Variants in ELAVL3 observed in about 807,000 individuals in gnomAD.
ELAVL3 encodes ELAV like RNA binding protein 3, also known as ELAV-like protein 3.
In ELAVL3, 8 loss-of-function variants were observed where a neutral mutation model predicts 34.2. The ratio of observed to expected loss-of-function variants is 0.23; its 90% CI spans 0.14 to 0.42. The LOEUF is 0.42. ELAVL3 is among the 10% of genes least tolerant of loss of function. The pLI, the probability that ELAVL3 is intolerant of heterozygous loss-of-function variation, is 1.00. For synonymous variants in ELAVL3, 209 were observed against 222.1 expected (o/e 0.94, Z 0.53); for missense variants, 273 against 518.8 (o/e 0.53, Z 4.60).
chr19:11,456,986 G>T, intron 6 of ELAVL3, 124 bp downstream of exon 6: 1 of 850,402 alleles, frequency 1.2e-6, no homozygotes, highest in East Asian at 3.3e-5. Context: ...TCTCTCAATG[G>T]CCATGCTACT....
At chr19:11,475,137 T>C (rs1173804315) in intron 1 of ELAVL3, among the ~76,000 whole-genome samples, 1 of 152,194 alleles carries the variant, frequency 6.6e-6, no homozygotes, top group Non-Finnish European at 1.5e-5. Context: ...ATACTGCTAT[T>C]TTAATGAGCA....
intron 1 of ELAVL3, among the ~76,000 whole-genome samples, chr19:11,473,638 C>T (rs1282314473): frequency 6.6e-6 from 1 of 152,178 alleles, no homozygotes; most frequent in Non-Finnish European, 1.5e-5. Context: ...GAGAATTTTT[C>T]CTCCCCCACT....
chr19:11,466,456 A>AT lies in ELAVL3; in HGVS notation c.229+151dup. The AT allele has an allele frequency of 1.0e-6, 1 of 999,500 alleles. No individual in the cohort carries two copies. The highest frequency in any genetic ancestry group is 1.5e-5 in the South Asian group (1 of 66,948). 61.9% of individuals were successfully genotyped at this position (999,500 alleles called of 1,614,324 possible). Reference sequence around the variant, plus strand: ...CTCCTGAGACCTTCACCTAGGGGGTATACCCATCTCCCCATCAGACCTCAC... The same window carrying AT: ...CTCCTGAGACCTTCACCTAGGGGGTATTACCCATCTCCCCATCAGACCTCAC... On this transcript the variant is annotated intron_variant, in intron 2 of 6. Coordinates refer to ENST00000359227, the MANE Select transcript of ELAVL3 (RefSeq NM_001420.4). The surrounding 1 kb of genome is among the most constrained non-coding windows in gnomAD (Gnocchi z 5.0).
At position 11,458,032 on chromosome 19, in the gene ELAVL3, TG is replaced by T. The variant is rs1599529888; in HGVS notation, c.713+28del. ...GTTGCAAGCTTGGGGGCACCCGGCC[TG>T]GGGCCATCTGGCTGGCAGGGGGCTC... On this transcript the variant is annotated intron_variant, in intron 5 of 6. Coordinates refer to ENST00000359227, the MANE Select transcript of ELAVL3 (RefSeq NM_001420.4). This position sits in a 1 kb window ranked among gnomAD's most constrained non-coding sequence, Gnocchi z 7.3. The T allele has an allele frequency of 6.2e-7, 1 of 1,603,238 alleles. No homozygotes were observed.
At chr19:11,471,666 C>G (rs1971167775) in intron 1 of ELAVL3, among the ~76,000 whole-genome samples, 1 of 151,826 alleles carries the variant, frequency 6.6e-6, no homozygotes, top group South Asian at 2.1e-4. Flanking sequence ...GTCGCCCAGG[C>G]TGGTCTCAAA....
intron 3 of ELAVL3, among the ~76,000 whole-genome samples, chr19:11,462,631 A>G (rs1970912128): frequency 6.8e-6 from 1 of 148,114 alleles, no homozygotes; most frequent in Admixed American, 6.8e-5. Context: ...GCAAGATTCC[A>G]TCTCAGAAAA....
At chr19:11,457,543 C>T (rs1970795959) in intron 5 of ELAVL3, among the ~76,000 whole-genome samples, 1 of 152,236 alleles carries the variant, frequency 6.6e-6, no homozygotes, top group Non-Finnish European at 1.5e-5. Flanking sequence ...CCACAAGGGG[C>T]TTCCATTGTC....
intron 1 of ELAVL3, among the ~76,000 whole-genome samples, chr19:11,479,604 G>A (rs1290421386): frequency 6.6e-6 from 1 of 151,632 alleles, no homozygotes; most frequent in East Asian, 2.0e-4. Flanking sequence ...CCGGGCTGCC[G>A]AGTGGGAATC....
Position 11,454,567 on chromosome 19 carries a change from G to A in ELAVL3, c.1063C>T (p.Leu355=), listed in dbSNP as rs757745976. 4 of 1,613,746 alleles carry A rather than the reference G, an allele frequency of 2.5e-6. No individual in the cohort carries two copies. The African/African-American group carries it at 5.3e-5, about 22-fold the overall frequency. Reference sequence around the variant, plus strand: ...TTGCTGGTCTTGAAGGAGACCTGCAGCACGCGCTCGCCCAGGCGATAGCCG... The same window carrying A: ...TTGCTGGTCTTGAAGGAGACCTGCAACACGCGCTCGCCCAGGCGATAGCCG... The part of the protein sequence containing the change: ...LNGYRLGERV[L]QVSFKTSKQH... Residue 355 remains leucine (L), a synonymous_variant, in exon 7 of 7, where the codon CTG becomes TTG. Transcript: ENST00000359227. The surrounding 1 kb of genome is among the most constrained non-coding windows in gnomAD (Gnocchi z 9.2).
In ELAVL3 at chr19:11,462,047, T is replaced by C. The variant is rs200893161; in HGVS notation, c.334-3436A>G. Among the ~76,000 whole-genome samples, 78 of 150,234 alleles carry C rather than the reference T, an allele frequency of 5.2e-4. No individual in the cohort carries two copies. In the East Asian group the frequency reaches 6.6e-3, roughly 13 times the overall value. On this transcript the variant is annotated intron_variant, in intron 3 of 6. Transcript: ENST00000359227. ...AAAATTAGCCAGGCGTGGTGGCGGGTGCCTGTAATCCCAGCTACTCGGGAG... is the reference window on the plus strand; with the variant it reads ...AAAATTAGCCAGGCGTGGTGGCGGGCGCCTGTAATCCCAGCTACTCGGGAG...
chr19:11,464,127 C>T (rs202030951), intron 3 of ELAVL3, among the ~76,000 whole-genome samples: 3 of 89,916 alleles, frequency 3.3e-5, no homozygotes, highest in African/African-American at 1.9e-4. Context: ...CTCTCTGTCT[C>T]TCTCTCTCTC....
chr19:11,480,877 T>C lies in ELAVL3; in HGVS notation c.-269A>G. 2.8e-6 allele frequency: 1 copy of C among 352,552 alleles called. No individual in the cohort carries two copies. Among genetic ancestry groups the C allele is most frequent in the South Asian group, 1.4e-4 (1 of 7,092 alleles). The allele number at this position is 352,552 out of a possible 1,614,324, so 21.8% of individuals were successfully genotyped here. A position where few individuals can be genotyped will look rare whatever the true frequency, so the allele number is the denominator to read the frequency against. On this transcript the variant is annotated 5_prime_UTR_variant, in exon 1 of 7. Transcript: ENST00000359227. The surrounding 1 kb of genome is among the most constrained non-coding windows in gnomAD (Gnocchi z 6.8). ...CGGGCGCGGGGTTGAGGACGCCCCC[T>C]GCGCGGCCCCGCGGGGCCCGGGGAG...
At chr19:11,459,562 C>A (rs1053858664) in intron 3 of ELAVL3, among the ~76,000 whole-genome samples, 1 of 151,412 alleles carries the variant, frequency 6.6e-6, no homozygotes, top group African/African-American at 2.4e-5. Context: ...CCACCTCCCC[C>A]GGCCTCAGCT....
chr19:11,457,053 G>A, intron 6 of ELAVL3, 57 bp downstream of exon 6: 1 of 1,413,590 alleles, frequency 7.1e-7, no homozygotes, highest in Non-Finnish European at 9.3e-7. Context: ...CTGGGGAGGG[G>A]TGCATCAGGG....
rs1971343975 is a variant in ELAVL3 at position 11,480,034 on chromosome 19, AGCG to A, written c.9+563_9+565del. On this transcript the variant is annotated intron_variant, in intron 1 of 6. Coordinates refer to ENST00000359227, the MANE Select transcript of ELAVL3 (RefSeq NM_001420.4). The surrounding 1 kb of genome is among the most constrained non-coding windows in gnomAD (Gnocchi z 6.8). Reference sequence around the variant, plus strand: ...CCGAGAAACAAAGGGACGCGGCAGCAGCGGCGGCGGGCCCGCGGGGCCTCCGGG... The same window carrying A: ...CCGAGAAACAAAGGGACGCGGCAGCAGCGGCGGGCCCGCGGGGCCTCCGGG... 6.6e-6 allele frequency among the ~76,000 whole-genome samples: 1 copy of A among 150,814 alleles called. No homozygotes were observed. The highest frequency in any genetic ancestry group is 1.5e-5 in the Non-Finnish European group (1 of 67,622).
At chr19:11,457,542 G>A (rs1970795903) in intron 5 of ELAVL3, among the ~76,000 whole-genome samples, 1 of 152,236 alleles carries the variant, frequency 6.6e-6, no homozygotes, top group African/African-American at 2.4e-5. Flanking sequence ...CCCACAAGGG[G>A]CTTCCATTGT....
intron 1 of ELAVL3, among the ~76,000 whole-genome samples, chr19:11,474,890 C>T (rs1156916015): frequency 2.0e-5 from 3 of 152,078 alleles, no homozygotes; most frequent in Non-Finnish European, 4.4e-5. Flanking sequence ...AGTGCAGTGG[C>T]GCGATCTCAG....
chr19:11,465,694 C>A (rs963925322), intron 3 of ELAVL3, among the ~76,000 whole-genome samples: 1 of 152,160 alleles, frequency 6.6e-6, no homozygotes, highest in South Asian at 2.1e-4. Context: ...ACGATTCCCC[C>A]CCAGGGAACC....
At chr19:11,479,403 G>T (rs1008198917) in intron 1 of ELAVL3, among the ~76,000 whole-genome samples, 5 of 152,144 alleles carry the variant, frequency 3.3e-5, no homozygotes, top group South Asian at 4.1e-4. Context: ...CGAAAAAGGG[G>T]CCCGGAAAGA....
Sources: gnomAD v4.1 joint callset for allele counts (sites outside exome capture counted in the v4.1 genomes callset) on GRCh38, gnomAD v4.1.1 for gene constraint, Gnocchi (gnomAD v3.1) non-coding constraint, MANE v1.5 for transcripts, NCBI Gene and HGNC (gene_info 2026-07-23, HGNC 2026-07-21) for gene names.